The following MCTP2 variants were observed in gnomAD, a reference collection of about 807,000 sequenced individuals.
MCTP2 encodes multiple C2 and transmembrane domain-containing protein 2.
Under a neutral mutation model 111.6 loss-of-function variants are expected in MCTP2, and 132 were observed. That is an observed-to-expected ratio of 1.18 (90% CI 1.03 to 1.37). MCTP2 has a LOEUF of 1.37. Ranked by LOEUF, MCTP2 falls within the 40% of genes most tolerant of loss-of-function variation. The pLI, the probability that MCTP2 is intolerant of heterozygous loss-of-function variation, is 0.00. For synonymous variants in MCTP2, 395 were observed against 387.7 expected (o/e 1.02, Z -0.22); for missense variants, 1,183 against 1,067.9 (o/e 1.11, Z -1.50).
Position 94,479,116 on chromosome 15 carries a change from C to T in MCTP2, c.*82C>T, listed in dbSNP as rs1346847242. On this transcript the variant is annotated 3_prime_UTR_variant, in exon 23 of 23. Coordinates refer to ENST00000357742, the MANE Select transcript of MCTP2 (RefSeq NM_001385001.1). Reference sequence around the variant, plus strand: ...ATGTTATGGCTGTTTCAGTGGTACCCAAGGTGTCCTTCTGAAATGCATGCC... The same window carrying T: ...ATGTTATGGCTGTTTCAGTGGTACCTAAGGTGTCCTTCTGAAATGCATGCC... The T allele has an allele frequency of 7.3e-7, 1 of 1,377,134 alleles. No individual in the cohort carries two copies. The allele number at this position is 1,377,134 out of a possible 1,614,324, so 85.3% of individuals were successfully genotyped here.
intron 1 of MCTP2, among the ~76,000 whole-genome samples, chr15:94,297,071 C>G (rs1002935100): frequency 6.6e-5 from 10 of 152,228 alleles, no homozygotes; most frequent in African/African-American, 2.4e-4. Context: ...TGTGGAAGCT[C>G]TTGGCCTCTT....
chr15:94,258,926 A>T lies in MCTP2; in HGVS notation c.-66+27262A>T, dbSNP rs189061606. On this transcript the variant is annotated intron_variant, in intron 1 of 22. Transcript: ENST00000357742. The stretch of plus-strand genomic sequence containing the variant: ...TACTTTTTGAGCAGACACACCCAAT[A>T]TATAAGTTTACATATTTACTTATAA... Among the ~76,000 whole-genome samples the T allele has an allele frequency of 7.2e-5, 11 of 152,330 alleles. No individual in the cohort carries two copies. The East Asian group carries it at 2.1e-3, about 29-fold the overall frequency.
intron 17 of MCTP2, among the ~76,000 whole-genome samples, chr15:94,422,409 T>C (rs2082669200): frequency 6.6e-6 from 1 of 152,178 alleles, no homozygotes; most frequent in African/African-American, 2.4e-5. Flanking sequence ...TTAGTCAAAC[T>C]TCAAGCTACA....
intron 17 of MCTP2, among the ~76,000 whole-genome samples, chr15:94,422,395 A>G (rs1165730352): frequency 6.6e-6 from 1 of 152,192 alleles, no homozygotes. Flanking sequence ...GTGACTCTAC[A>G]CAGTTAGTCA....
At chr15:94,361,090 T>TG (rs2078914395) in intron 10 of MCTP2, among the ~76,000 whole-genome samples, 5 of 124,598 alleles carry the variant, frequency 4.0e-5, no homozygotes, top group Non-Finnish European at 6.4e-5. Flanking sequence ...TCAAGTTTTT[T>TG]TTTTTTTTTT....
chr15:94,361,951 C>T (rs1218672939), intron 10 of MCTP2, among the ~76,000 whole-genome samples: 4 of 152,142 alleles, frequency 2.6e-5, no homozygotes, highest in Non-Finnish European at 5.9e-5. Flanking sequence ...CCCGTAGGCC[C>T]CTCCTCCAGG....
intron 18 of MCTP2, 42 bp from the exon 19 acceptor site, chr15:94,442,877 T>A (rs760454043): frequency 6.4e-7 from 1 of 1,560,252 alleles, no homozygotes; most frequent in South Asian, 1.1e-5. Flanking sequence ...CATTTGTTAA[T>A]TTCGGTTGAT....
At chr15:94,286,437 A>G (rs1567331761) in intron 1 of MCTP2, among the ~76,000 whole-genome samples, 1 of 152,194 alleles carries the variant, frequency 6.6e-6, no homozygotes, top group Non-Finnish European at 1.5e-5. Flanking sequence ...AATTAAAAAA[A>G]TATCCAGTAA....
intron 22 of MCTP2, among the ~76,000 whole-genome samples, chr15:94,478,495 G>A (rs959247367): frequency 2.0e-5 from 3 of 152,194 alleles, no homozygotes; most frequent in South Asian, 2.1e-4. Context: ...CTATATAAAA[G>A]TCTGGGGTCC....
At chr15:94,431,591 A>T (rs1170494774) in intron 17 of MCTP2, among the ~76,000 whole-genome samples, 8 of 152,236 alleles carry the variant, frequency 5.3e-5, no homozygotes, top group Admixed American at 5.2e-4. Context: ...CTTTAACAAA[A>T]AAAGGCAGTT....
intron 15 of MCTP2, chr15:94,399,621 G>T: frequency 4.1e-6 from 1 of 240,994 alleles, no homozygotes; most frequent in Non-Finnish European, 7.9e-6. Context: ...TATCTTTTAC[G>T]GACGTTAGTT....
At chr15:94,402,220 T>G in intron 17 of MCTP2, 12 of 899,526 alleles carry the variant, frequency 1.3e-5, no homozygotes, top group Non-Finnish European at 1.6e-5. Context: ...GCACTACTGT[T>G]GTATATATAT....
chr15:94,421,308 C>G (rs149187403), intron 17 of MCTP2, among the ~76,000 whole-genome samples: 1 of 152,048 alleles, frequency 6.6e-6, no homozygotes, highest in Non-Finnish European at 1.5e-5. Context: ...ATTTTTGCTT[C>G]GTTGTGGTTG....
chr15:94,252,940 T>C (rs2072536952), intron 1 of MCTP2, among the ~76,000 whole-genome samples: 2 of 152,218 alleles, frequency 1.3e-5, no homozygotes, highest in Admixed American at 6.5e-5. Flanking sequence ...TCTCTTGTCA[T>C]ACCTTGCTTT....
chr15:94,383,935 C>A, intron 12 of MCTP2, 87 bp from the exon 13 acceptor site: 1 of 973,382 alleles, frequency 1.0e-6, no homozygotes, highest in Non-Finnish European at 1.6e-6. Context: ...TTTCAGCAAG[C>A]ACAACTTTAT....
At chr15:94,471,113 T>C (rs562517161) in intron 21 of MCTP2, among the ~76,000 whole-genome samples, 1 of 152,326 alleles carries the variant, frequency 6.6e-6, no homozygotes, top group Non-Finnish European at 1.5e-5. Flanking sequence ...TGCAAGCAGC[T>C]TGGTGAGTAT....
At position 94,442,969 on chromosome 15, in the gene MCTP2, G is replaced by A; in HGVS notation, c.2250+9G>A. 1 of 1,610,112 alleles carries A rather than the reference G, an allele frequency of 6.2e-7. No individual in the cohort carries two copies. The highest frequency in any genetic ancestry group is 2.2e-5 in the East Asian group (1 of 44,674). On this transcript the variant is annotated intron_variant, in intron 19 of 22. Coordinates refer to ENST00000357742, the MANE Select transcript of MCTP2 (RefSeq NM_001385001.1). Reference sequence around the variant, plus strand: ...AGGATGAAGATGACAAGGTGCGTATGTTCAAGAAAGAACACACACAAAAAA... The same window carrying A: ...AGGATGAAGATGACAAGGTGCGTATATTCAAGAAAGAACACACACAAAAAA...
In MCTP2 at chr15:94,243,072, T is replaced by C. The variant is rs538835098; in HGVS notation, c.-66+11408T>C. Reference sequence around the variant, plus strand: ...GTGTATCTACACATACACGTGTATATGTGTATCTACACATATACGTGTATA... The same window carrying C: ...GTGTATCTACACATACACGTGTATACGTGTATCTACACATATACGTGTATA... On this transcript the variant is annotated intron_variant, in intron 1 of 22. Coordinates refer to ENST00000357742, the MANE Select transcript of MCTP2 (RefSeq NM_001385001.1). 3.3e-5 allele frequency among the ~76,000 whole-genome samples: 3 copies of C among 91,458 alleles called. 1 individual carries two copies. Among genetic ancestry groups the C allele is most frequent in the Non-Finnish European group, 7.3e-5 (3 of 41,360 alleles). The allele number at this position is 91,458 out of a possible 152,430, so 60.0% of individuals were successfully genotyped here.
chr15:94,412,660 C>T (rs962946802), intron 17 of MCTP2, among the ~76,000 whole-genome samples: 11 of 152,088 alleles, frequency 7.2e-5, no homozygotes, highest in Non-Finnish European at 7.4e-5. Context: ...ATTGTCTTCT[C>T]TTTAAGGAAT....
Sources: allele counts gnomAD v4.1 joint callset (sites outside exome capture counted in the v4.1 genomes callset), GRCh38; gene constraint gnomAD v4.1.1; transcripts MANE v1.5; gene names NCBI Gene and HGNC (gene_info 2026-07-23, HGNC 2026-07-21).